The following TF variants were observed in gnomAD, a reference collection of about 807,000 sequenced individuals.
TF encodes the protein transferrin.
TF carries 55 observed loss-of-function variants against 82.4 expected under a neutral mutation model. The ratio of observed to expected loss-of-function variants is 0.67; its 90% CI spans 0.54 to 0.84. The LOEUF (loss-of-function observed/expected upper bound fraction) is 0.84, where lower values mean the gene tolerates loss of function less well. Ranked by LOEUF, TF falls within the 40% of genes least tolerant of loss-of-function variation. The probability of loss-of-function intolerance (pLI) is 0.00; values close to 1 mark genes in which losing one functional copy is unlikely to be tolerated. For synonymous variants in TF, 332 were observed against 332.6 expected (o/e 1.00, Z 0.02); for missense variants, 737 against 868.4 (o/e 0.85, Z 1.90).
chr3:133,664,398 C>T, the TF span, among the ~76,000 whole-genome samples: 5 of 152,176 alleles, frequency 3.3e-5, no homozygotes, highest in African/African-American at 1.2e-4. Flanking sequence ...TGTCTGCTCA[C>T]TGCAACCTCC....
the TF span, among the ~76,000 whole-genome samples, chr3:133,702,624 G>A: frequency 1.3e-5 from 2 of 151,380 alleles, no homozygotes; most frequent in African/African-American, 2.4e-5. Context: ...TCTGAGTGAC[G>A]AAGTTGTGAA....
rs890541491 is a variant in TF, at chr3:133,782,587, C to G, written c.*3967C>G. The stretch of plus-strand genomic sequence containing the variant: ...ACATGGGGAATCTAAAGAAAACACT[C>G]AAATACAGGTATACAGAGATAACAA... On this transcript the variant is annotated 3_prime_UTR_variant, in exon 17 of 17. Transcript: ENST00000402696. 4 of 152,060 alleles carry G rather than the reference C, an allele frequency of 2.6e-5. No individual in the cohort carries two copies. The highest frequency in any genetic ancestry group is 4.4e-5 in the Non-Finnish European group (3 of 67,998). 9.4% of individuals were successfully genotyped at this position (152,060 alleles called of 1,614,324 possible). A position where few individuals can be genotyped will look rare whatever the true frequency, so the allele number is the denominator to read the frequency against.
the TF span, among the ~76,000 whole-genome samples, chr3:133,722,249 G>A: frequency 6.6e-6 from 1 of 151,384 alleles, no homozygotes; most frequent in Non-Finnish European, 1.5e-5. Flanking sequence ...GCTTGCTTCT[G>A]GTTTCTATTT....
chr3:133,679,850 G>A, the TF span, among the ~76,000 whole-genome samples: 2 of 152,086 alleles, frequency 1.3e-5, no homozygotes, highest in African/African-American at 2.4e-5. Flanking sequence ...GGTCATACTG[G>A]TAAGTGTATG....
At chr3:133,677,411 G>T in the TF span, among the ~76,000 whole-genome samples, 9 of 152,184 alleles carry the variant, frequency 5.9e-5, no homozygotes, top group Non-Finnish European at 1.3e-4. Context: ...AGCCGAGGTG[G>T]GTGGATCACG....
the TF span, among the ~76,000 whole-genome samples, chr3:133,724,095 A>G: frequency 0.59 from 89,206 of 151,942 alleles, 26,714 homozygotes; most frequent in East Asian, 0.76. Flanking sequence ...TTGCTATTGT[A>G]AATAGTGCCG....
intron 4 of TF, among the ~76,000 whole-genome samples, chr3:133,754,925 G>A (rs565959721): frequency 1.3e-5 from 2 of 152,342 alleles, no homozygotes; most frequent in East Asian, 1.9e-4. Flanking sequence ...CGCAAGGCTC[G>A]GCAGAGGGTT....
At chr3:133,701,927 AC>A in the TF span, 4 of 152,684 alleles carry the variant, frequency 2.6e-5, no homozygotes, top group African/African-American at 9.7e-5. Context: ...GGATCCCTCC[AC>A]CCGGCCTAGA....
chr3:133,757,693 T>C, intron 7 of TF, 76 bp from the exon 8 acceptor site: 3 of 1,412,348 alleles, frequency 2.1e-6, no homozygotes, highest in Non-Finnish European at 3.0e-6. Context: ...TGCAGAGATT[T>C]CTTTTCTCTT....
rs975937809 is a variant in TF, at chr3:133,746,574, G to T, written c.43+91G>T. On this transcript the variant is annotated intron_variant, in intron 1 of 16. Transcript: ENST00000402696. ...CCACCGCGCAGCCTGCATGCACTCC[G>T]CGCTCAGGCTGGAAGCCTGGGTGTC... 9 of 1,426,172 alleles carry T rather than the reference G, an allele frequency of 6.3e-6. No individual in the cohort carries two copies. The South Asian group carries it at 1.1e-4, about 17-fold the overall frequency. The allele number at this position is 1,426,172 out of a possible 1,614,324, so 88.3% of individuals were successfully genotyped here.
At chr3:133,699,614 C>G in the TF span, 8 of 536,738 alleles carry the variant, frequency 1.5e-5, no homozygotes, top group Non-Finnish European at 2.9e-5. Flanking sequence ...AGCTTCTCAA[C>G]CAGGTCCAGG....
the TF span, among the ~76,000 whole-genome samples, chr3:133,727,357 T>C: frequency 6.7e-6 from 1 of 149,946 alleles, no homozygotes; most frequent in Non-Finnish European, 1.5e-5. Context: ...GGTGCATATA[T>C]ATTTAGGATA....
At chr3:133,710,814 C>T in the TF span, among the ~76,000 whole-genome samples, 1 of 152,204 alleles carries the variant, frequency 6.6e-6, no homozygotes, top group Non-Finnish European at 1.5e-5. Flanking sequence ...CATTCTCCTG[C>T]AGCTCCTGCC....
chr3:133,774,861 G>GTTT, intron 14 of TF: 2 of 222,028 alleles, frequency 9.0e-6, no homozygotes, highest in East Asian at 1.2e-4. Flanking sequence ...GAATGGGTGA[G>GTTT]TTTTTTTTTT....
At chr3:133,723,148 G>T in the TF span, among the ~76,000 whole-genome samples, 1 of 152,136 alleles carries the variant, frequency 6.6e-6, no homozygotes, top group Non-Finnish European at 1.5e-5. Flanking sequence ...TATGCTGATA[G>T]TCTGATAGGA....
intron 2 of TF, 178 bp downstream of exon 2, chr3:133,748,762 G>A: frequency 3.7e-6 from 3 of 803,176 alleles, no homozygotes; most frequent in Admixed American, 2.3e-5. Context: ...TGTCTGGAAA[G>A]CAAAAGTCAA....
At chr3:133,671,814 GA>G in the TF span, among the ~76,000 whole-genome samples, 3 of 147,498 alleles carry the variant, frequency 2.0e-5, no homozygotes, top group African/African-American at 7.5e-5. Context: ...AAAAAAAGAA[GA>G]AGAAGAAAAA....
intron 12 of TF, among the ~76,000 whole-genome samples, chr3:133,766,807 G>T (rs1212376597): frequency 6.6e-6 from 1 of 152,102 alleles, no homozygotes; most frequent in Non-Finnish European, 1.5e-5. Flanking sequence ...GTCACCCCAT[G>T]GTTGCCATCG....
chr3:133,746,244 A>G (rs1186147899), upstream of TF: 1 of 656,742 alleles, frequency 1.5e-6, no homozygotes, highest in Non-Finnish European at 2.7e-6. Flanking sequence ...GAGCTCAGAA[A>G]ATGAGGTGAT....
Sources: gnomAD v4.1 joint callset for allele counts (sites outside exome capture counted in the v4.1 genomes callset) on GRCh38, gnomAD v4.1.1 for gene constraint, MANE v1.5 for transcripts, NCBI Gene and HGNC (gene_info 2026-07-23, HGNC 2026-07-21) for gene names.